The following KCNQ2 variants were observed in gnomAD, a reference collection of about 807,000 sequenced individuals.
KCNQ2 encodes the protein potassium voltage-gated channel subfamily KQT member 2.
KCNQ2 carries 14 observed loss-of-function variants against 84.8 expected under a neutral mutation model. That is an observed-to-expected ratio of 0.17 (90% CI 0.11 to 0.26). KCNQ2 has a LOEUF of 0.26. Among genes scored for constraint, KCNQ2 ranks in the 10% least tolerant of loss-of-function variants. The pLI, the probability that KCNQ2 is intolerant of heterozygous loss-of-function variation, is 1.00. For missense variants in KCNQ2, 788 were observed against 1,254.0 expected (o/e 0.63, Z 5.61); for synonymous variants, 599 against 554.1 (o/e 1.08, Z -1.14).
At chr20:63,456,353 C>T (rs926935516) in intron 1 of KCNQ2, among the ~76,000 whole-genome samples, 4 of 152,220 alleles carry the variant, frequency 2.6e-5, no homozygotes, top group African/African-American at 9.7e-5. Flanking sequence ...CTGGGCCCCC[C>T]GAGTCAGTCC....
Position 63,413,551 on chromosome 20 carries a change from C to T in KCNQ2, c.1662G>A (p.Lys554=), listed in dbSNP as rs267607198. The T allele has an allele frequency of 1.2e-6, 2 of 1,613,302 alleles. No individual in the cohort carries two copies. The highest frequency in any genetic ancestry group is 1.7e-6 in the Non-Finnish European group (2 of 1,180,002). Residue 554 remains lysine (K), a synonymous_variant, in exon 15 of 17, where the codon AAG becomes AAA. Coordinates refer to ENST00000359125, the MANE Select transcript of KCNQ2 (RefSeq NM_172107.4). ...CVMRFLVSKR[K]FKESLRPYDV... Reference sequence around the variant, plus strand: ...CGTAGGGCCGCAGGCTCTCCTTGAACTTCCGCTTGGACACCAGGAACCGCA... The same window carrying T: ...CGTAGGGCCGCAGGCTCTCCTTGAATTTCCGCTTGGACACCAGGAACCGCA...
At chr20:63,443,286 CCATCATCACCACCACCATCACCAT>C (rs2081294865) in intron 4 of KCNQ2, among the ~76,000 whole-genome samples, 3 of 69,324 alleles carry the variant, frequency 4.3e-5, no homozygotes, top group Admixed American at 1.4e-4. Context: ...ATCACCATCA[CCATCATCACCACCACCATCACCAT>C]CATCACCACC....
chr20:63,435,053 CA>C (rs1318036362), intron 7 of KCNQ2, among the ~76,000 whole-genome samples: 2 of 152,154 alleles, frequency 1.3e-5, no homozygotes, highest in Admixed American at 1.3e-4. Context: ...TTCCTACCAG[CA>C]GGGGGGGCGG....
chr20:63,455,151 G>A (rs1272945420), intron 1 of KCNQ2, among the ~76,000 whole-genome samples: 1 of 152,204 alleles, frequency 6.6e-6, no homozygotes. Flanking sequence ...GACGGTGGGA[G>A]GACGCTGGGA....
chr20:63,465,414 G>A (rs2082054689), intron 1 of KCNQ2, among the ~76,000 whole-genome samples: 1 of 152,090 alleles, frequency 6.6e-6, no homozygotes, highest in Non-Finnish European at 1.5e-5. Context: ...CCTCACCCAG[G>A]AGCCATCAAG....
At chr20:63,433,160 A>G (rs1272432387) in intron 8 of KCNQ2, among the ~76,000 whole-genome samples, 2 of 152,220 alleles carry the variant, frequency 1.3e-5, no homozygotes, top group Non-Finnish European at 2.9e-5. Flanking sequence ...GTAAAACAAA[A>G]AAACACGGGA....
intron 1 of KCNQ2, among the ~76,000 whole-genome samples, chr20:63,454,487 G>C (rs115521381): frequency 6.6e-6 from 1 of 152,196 alleles, no homozygotes; most frequent in Non-Finnish European, 1.5e-5. Flanking sequence ...CAAAGATCCC[G>C]GTGCCTCGGC....
intron 1 of KCNQ2, chr20:63,448,655 C>G (rs1250247796): frequency 6.6e-6 from 1 of 152,316 alleles, no homozygotes; most frequent in Non-Finnish European, 1.5e-5. Context: ...AGCCTGGGTT[C>G]CGGGCAGTGT....
chr20:63,433,757 G>T, intron 8 of KCNQ2, 52 bp downstream of exon 8: 1 of 1,613,278 alleles, frequency 6.2e-7, no homozygotes, highest in Non-Finnish European at 8.5e-7. Flanking sequence ...AAGAACAAAT[G>T]GAAAATAAAA....
intron 12 of KCNQ2, among the ~76,000 whole-genome samples, chr20:63,417,028 C>T (rs1220430076): frequency 2.0e-5 from 3 of 152,208 alleles, no homozygotes; most frequent in African/African-American, 7.2e-5. Flanking sequence ...CCCGAGGCGT[C>T]GCGTGCTTGG....
intron 10 of KCNQ2, chr20:63,424,660 G>A (rs6062927): frequency 0.21 from 36,463 of 171,518 alleles, 4,725 homozygotes; most frequent in Non-Finnish European, 0.3. Context: ...ATTCTCTTCC[G>A]CGTGACTTTC....
intron 10 of KCNQ2, among the ~76,000 whole-genome samples, chr20:63,427,944 A>G (rs891859372): frequency 2.6e-5 from 4 of 152,108 alleles, no homozygotes; most frequent in Non-Finnish European, 5.9e-5. Flanking sequence ...CCCTTCTGCA[A>G]CCTACCTCGA....
chr20:63,435,440 G>T (rs6122447), intron 7 of KCNQ2, among the ~76,000 whole-genome samples: 22,939 of 151,592 alleles, frequency 0.15, 2,420 homozygotes, highest in East Asian at 0.54. Context: ...CTGAAGACGG[G>T]ACTGAACTGC....
At chr20:63,410,334 T>G (rs1250700097) in intron 15 of KCNQ2, among the ~76,000 whole-genome samples, 1 of 152,200 alleles carries the variant, frequency 6.6e-6, no homozygotes, top group Non-Finnish European at 1.5e-5. Flanking sequence ...CCAAGGACCC[T>G]GTGCCCCTCC....
chr20:63,435,776 A>ACT (rs2080975244), intron 7 of KCNQ2, among the ~76,000 whole-genome samples: 1 of 152,234 alleles, frequency 6.6e-6, no homozygotes, highest in Non-Finnish European at 1.5e-5. Flanking sequence ...TCTGGTTTTC[A>ACT]GCCTCAGAGC....
At chr20:63,454,702 G>T (rs1369834670) in intron 1 of KCNQ2, among the ~76,000 whole-genome samples, 1 of 152,262 alleles carries the variant, frequency 6.6e-6, no homozygotes, top group Non-Finnish European at 1.5e-5. Flanking sequence ...ACTGAGGCAG[G>T]TGAGGGCCTC....
chr20:63,438,790 G>C lies in KCNQ2; in HGVS notation c.928-70C>G. 1 of 1,420,870 alleles carries C rather than the reference G, an allele frequency of 7.0e-7. No individual in the cohort carries two copies. Among genetic ancestry groups the C allele is most frequent in the East Asian group, 2.3e-5 (1 of 43,422 alleles). 88.0% of individuals were successfully genotyped at this position (1,420,870 alleles called of 1,614,324 possible). Reference sequence around the variant, plus strand: ...CCCCAATTCATCAGGGTCAGACCATGCTCTGGGGCCCCACACCCCCCCCAA... The same window carrying C: ...CCCCAATTCATCAGGGTCAGACCATCCTCTGGGGCCCCACACCCCCCCCAA... On this transcript the variant is annotated intron_variant, in intron 6 of 16. Transcript: ENST00000359125. This position sits in a 1 kb window ranked among gnomAD's most constrained non-coding sequence, Gnocchi z 5.1.
intron 1 of KCNQ2, among the ~76,000 whole-genome samples, chr20:63,451,541 T>C (rs1408986464): frequency 2.0e-5 from 3 of 152,212 alleles, no homozygotes; most frequent in African/African-American, 7.2e-5. Context: ...CCTGACCCTG[T>C]GGAAAGACAC....
At chr20:63,442,719 CCACCATCATCACCACCTCCACCAT>C (rs2081216899) in intron 4 of KCNQ2, among the ~76,000 whole-genome samples, 188 bp from the exon 5 acceptor site, 3 of 38,414 alleles carry the variant, frequency 7.8e-5, no homozygotes, top group Non-Finnish European at 1.1e-4. Flanking sequence ...ACCACCACCA[CCACCATCATCACCACCTCCACCAT>C]CACCACCATC....
Sources: gnomAD v4.1 joint callset for allele counts (sites outside exome capture counted in the v4.1 genomes callset) on GRCh38, gnomAD v4.1.1 for gene constraint, Gnocchi (gnomAD v3.1) non-coding constraint, MANE v1.5 for transcripts, NCBI Gene and HGNC (gene_info 2026-07-23, HGNC 2026-07-21) for gene names.